RAD51B: variants seen among roughly 807,000 people sequenced by gnomAD.
RAD51B encodes DNA repair protein RAD51 homolog 2.
Under a neutral mutation model 42.2 loss-of-function variants are expected in RAD51B, and 38 were observed. The ratio of observed to expected loss-of-function variants is 0.90; its 90% CI spans 0.70 to 1.18. The LOEUF is 1.18. Ranked by LOEUF, RAD51B falls within the 50% of genes most tolerant of loss-of-function variation. The pLI, the probability that RAD51B is intolerant of heterozygous loss-of-function variation, is 0.00. For missense variants in RAD51B, 373 were observed against 400.7 expected (o/e 0.93, Z 0.59); for synonymous variants, 154 against 145.2 (o/e 1.06, Z -0.43).
At chr14:68,504,343 C>G (rs1381608211) in intron 10 of RAD51B, among the ~76,000 whole-genome samples, 1 of 152,222 alleles carries the variant, frequency 6.6e-6, no homozygotes, top group Non-Finnish European at 1.5e-5. Context: ...GGCCTGCACA[C>G]CATATAAATC....
chr14:68,264,673 G>T (rs1268292097), intron 7 of RAD51B, among the ~76,000 whole-genome samples: 1 of 152,180 alleles, frequency 6.6e-6, no homozygotes, highest in Non-Finnish European at 1.5e-5. Flanking sequence ...ATACGAAGTA[G>T]GAGGTTGAGC....
At chr14:68,421,255 G>A (rs2140107198) in intron 9 of RAD51B, among the ~76,000 whole-genome samples, 1 of 152,172 alleles carries the variant, frequency 6.6e-6, no homozygotes, top group East Asian at 1.9e-4. Context: ...GCTAAAGCAG[G>A]TCCAGCTTGG....
intron 10 of RAD51B, among the ~76,000 whole-genome samples, chr14:68,605,769 A>G (rs1018136218): frequency 6.6e-6 from 1 of 152,184 alleles, no homozygotes; most frequent in Non-Finnish European, 1.5e-5. Flanking sequence ...GGGGGACACT[A>G]TCCAACACAG....
In RAD51B at chr14:68,611,328, AG is replaced by A. The variant is rs1346663382; in HGVS notation, c.*84del. The A allele has an allele frequency of 7.3e-6, 5 of 683,602 alleles. No homozygotes were observed. In the African/African-American group the frequency reaches 8.8e-5, roughly 12 times the overall value. The allele number at this position is 683,602 out of a possible 1,614,324, so 42.3% of individuals were successfully genotyped here. A position where few individuals can be genotyped will look rare whatever the true frequency, so the allele number is the denominator to read the frequency against. On this transcript the variant is annotated 3_prime_UTR_variant, in exon 11 of 11. Transcript: ENST00000487861. Reference sequence around the variant, plus strand: ...CTATAATTCTACTTTCTGAACCTCCAGGGAAGTTGCTTCCTTGTCCCTTTCA... The same window carrying A: ...CTATAATTCTACTTTCTGAACCTCCAGGAAGTTGCTTCCTTGTCCCTTTCA...
At chr14:67,887,507 A>G (rs1419580990) in intron 7 of RAD51B, 2 of 217,142 alleles carry the variant, frequency 9.2e-6, no homozygotes, top group East Asian at 9.6e-5. Context: ...TGTGCTTTGT[A>G]TCACATTTCT....
intron 7 of RAD51B, among the ~76,000 whole-genome samples, chr14:68,209,991 A>T (rs1037247947): frequency 6.9e-6 from 1 of 145,628 alleles, no homozygotes; most frequent in Non-Finnish European, 1.5e-5. Context: ...ACAGAGTCTT[A>T]CTCTGTCACC....
rs112757974 is a variant in RAD51B, at chr14:68,624,925, G to A, written c.1037-25856G>A. On this transcript the variant is annotated intron_variant, in intron 10 of 11. Coordinates refer to the RAD51B transcript ENST00000488612. The stretch of plus-strand genomic sequence containing the variant: ...CGGTGGTTCCGAAGCGCCTGCAGGT[G>A]CCACACATGGAGCTAAGGGGTCACT... Among the ~76,000 whole-genome samples the A allele has an allele frequency of 2.0e-5, 3 of 152,336 alleles. 1 individual carries two copies. Among genetic ancestry groups the A allele is most frequent in the African/African-American group, 7.2e-5 (3 of 41,574 alleles).
Position 68,586,338 on chromosome 14 carries a change from TC to T in RAD51B, c.1037-8143del, listed in dbSNP as rs199741744. On this transcript the variant is annotated intron_variant, in intron 10 of 10. Transcript: ENST00000487270. ...TCTCCTCCCTGCCTGACCTAACCTT[TC>T]CCCTCCACACACCTTTATTTTTTAC... Among the ~76,000 whole-genome samples, 621 of 152,204 alleles carry T rather than the reference TC, an allele frequency of 4.1e-3. 8 individuals carry two copies. Among genetic ancestry groups the T allele is most frequent in the African/African-American group, 0.014 (575 of 41,524 alleles).
At chr14:68,335,458 G>T (rs1179549052) in intron 8 of RAD51B, among the ~76,000 whole-genome samples, 1 of 152,100 alleles carries the variant, frequency 6.6e-6, no homozygotes, top group Non-Finnish European at 1.5e-5. Context: ...GTAATTTTCT[G>T]ATTTGCATCT....
chr14:68,481,260 C>G (rs111980856), downstream of RAD51B, among the ~76,000 whole-genome samples: 7 of 147,528 alleles, frequency 4.7e-5, 1 homozygote, highest in African/African-American at 1.8e-4. Flanking sequence ...ATTGTTCTCT[C>G]TTCACCTCCA....
At chr14:68,188,268 T>C (rs986541192) in intron 7 of RAD51B, among the ~76,000 whole-genome samples, 27 of 150,820 alleles carry the variant, frequency 1.8e-4, no homozygotes, top group African/African-American at 6.3e-4. Context: ...TTTGTTGTTC[T>C]TCTTTTTTCT....
At chr14:68,583,164 A>T (rs1460982685) in intron 10 of RAD51B, among the ~76,000 whole-genome samples, 1 of 152,186 alleles carries the variant, frequency 6.6e-6, no homozygotes, top group Non-Finnish European at 1.5e-5. Flanking sequence ...AATAAAAAAA[A>T]TTTAAAAAAG....
At chr14:68,218,585 T>C (rs535833866) in intron 7 of RAD51B, among the ~76,000 whole-genome samples, 2 of 152,370 alleles carry the variant, frequency 1.3e-5, no homozygotes, top group East Asian at 1.9e-4. Flanking sequence ...ATTTCATAGC[T>C]ATTTAATAAA....
At chr14:67,923,825 C>T (rs1439106730) in intron 7 of RAD51B, among the ~76,000 whole-genome samples, 1 of 152,182 alleles carries the variant, frequency 6.6e-6, no homozygotes, top group Non-Finnish European at 1.5e-5. Flanking sequence ...AGAGGTTGTA[C>T]TAGTTTACAT....
At chr14:68,316,933 G>A (rs1468185983) in intron 8 of RAD51B, among the ~76,000 whole-genome samples, 1 of 152,084 alleles carries the variant, frequency 6.6e-6, no homozygotes, top group East Asian at 1.9e-4. Context: ...ATATAATCCA[G>A]TCTTAGAACT....
chr14:68,553,888 A>G (rs1888700727), intron 10 of RAD51B, among the ~76,000 whole-genome samples: 1 of 152,364 alleles, frequency 6.6e-6, no homozygotes, highest in Non-Finnish European at 1.5e-5. Context: ...CCTAGCAAAC[A>G]GAGCTAAGAA....
chr14:68,445,708 C>A (rs1251926543), intron 9 of RAD51B, among the ~76,000 whole-genome samples: 1 of 152,184 alleles, frequency 6.6e-6, no homozygotes, highest in Non-Finnish European at 1.5e-5. Context: ...TAATTGTTAA[C>A]CCACCTCAAA....
chr14:68,133,284 C>T (rs1260672789), intron 7 of RAD51B, among the ~76,000 whole-genome samples: 2 of 152,116 alleles, frequency 1.3e-5, no homozygotes, highest in Non-Finnish European at 2.9e-5. Flanking sequence ...TATTTCTACT[C>T]AAGGATTACT....
At chr14:67,995,036 A>G (rs1255147799) in intron 7 of RAD51B, among the ~76,000 whole-genome samples, 1 of 152,168 alleles carries the variant, frequency 6.6e-6, no homozygotes, top group Non-Finnish European at 1.5e-5. Flanking sequence ...GTATGATTCC[A>G]TTTATATGTG....
Sources: gnomAD v4.1 joint callset for allele counts (sites outside exome capture counted in the v4.1 genomes callset) on GRCh38, gnomAD v4.1.1 for gene constraint, MANE v1.5 for transcripts, NCBI Gene and HGNC (gene_info 2026-07-23, HGNC 2026-07-21) for gene names.